KCTD21: variants seen among roughly 807,000 people sequenced by gnomAD.
KCTD21 encodes the protein BTB/POZ domain-containing protein KCTD21.
A neutral mutation model predicts 13.2 loss-of-function variants in KCTD21; 9 were observed. The ratio of observed to expected loss-of-function variants is 0.68; its 90% CI spans 0.41 to 1.19. KCTD21 has a LOEUF of 1.19. Ranked by LOEUF, KCTD21 falls within the 50% of genes most tolerant of loss-of-function variation. The pLI is 0.01. For synonymous variants in KCTD21, 142 were observed against 137.4 expected (o/e 1.03, Z -0.23); for missense variants, 303 against 336.5 (o/e 0.90, Z 0.78).
chr11:78,174,685 G>T, intron 1 of KCTD21, 102 bp from the exon 2 acceptor site: 1 of 774,624 alleles, frequency 1.3e-6, no homozygotes, highest in Non-Finnish European at 2.1e-6. Context: ...CCTTGGGATC[G>T]AAATGAATTA....
In KCTD21 at chr11:78,187,439, A is replaced by G. The variant is rs549346794; in HGVS notation, c.-30+1134T>C. The G allele has an allele frequency of 1.5e-4, 143 of 985,416 alleles. 1 individual carries two copies. In the South Asian group the frequency reaches 5.6e-3, roughly 39 times the overall value. 61.0% of individuals were successfully genotyped at this position (985,416 alleles called of 1,614,324 possible). A position where few individuals can be genotyped will look rare whatever the true frequency, so the allele number is the denominator to read the frequency against. On this transcript the variant is annotated intron_variant, in intron 1 of 1. Transcript: ENST00000340067. ...CAGAATGAGCTGCGCAAAAGGCAGG[A>G]GGAGAGAAAGGTGGGCTGGAAGAAG... is the stretch of plus-strand genomic sequence containing the variant.
intron 1 of KCTD21, among the ~76,000 whole-genome samples, chr11:78,184,606 G>A (rs1370822635): frequency 6.6e-6 from 1 of 152,064 alleles, no homozygotes; most frequent in African/African-American, 2.4e-5. Flanking sequence ...CAAAATGTTG[G>A]GATTACAGAC....
chr11:78,179,442 C>T (rs1186523507), intron 1 of KCTD21, among the ~76,000 whole-genome samples: 1 of 152,002 alleles, frequency 6.6e-6, no homozygotes, highest in Non-Finnish European at 1.5e-5. Flanking sequence ...CTGCTGTGAA[C>T]TCTTCTGAGC....
chr11:78,188,528 G>C, intron 1 of KCTD21, 45 bp downstream of exon 1: 2 of 985,352 alleles, frequency 2.0e-6, no homozygotes, highest in Non-Finnish European at 2.4e-6. Flanking sequence ...ACGTACCCTC[G>C]CCGGTAGTCC....
Position 78,173,425 on chromosome 11 carries a change from G to A in KCTD21, c.*347C>T, listed in dbSNP as rs530165159. 22 of 199,816 alleles carry A rather than the reference G, an allele frequency of 1.1e-4. No homozygotes were observed. The highest frequency in any genetic ancestry group is 1.8e-4 in the Non-Finnish European group (17 of 96,504). The allele number at this position is 199,816 out of a possible 1,614,324, so 12.4% of individuals were successfully genotyped here. ...GGCCTTCTTACAGATGGATAAATGC[G>A]GCACTGGCTAGCGGTACAGAGAGAT... On this transcript the variant is annotated 3_prime_UTR_variant, in exon 2 of 2. Transcript: ENST00000340067.
chr11:78,186,875 G>A, intron 1 of KCTD21: 1 of 985,456 alleles, frequency 1.0e-6, no homozygotes, highest in Non-Finnish European at 1.2e-6. Context: ...GTAGATGGAT[G>A]CCTGGCTCCC....
intron 1 of KCTD21, among the ~76,000 whole-genome samples, chr11:78,180,966 C>T (rs982488478): frequency 1.3e-5 from 2 of 152,166 alleles, no homozygotes; most frequent in Non-Finnish European, 2.9e-5. Context: ...CTTCTCCTTG[C>T]TGCTGCCATG....
chr11:78,173,965 T>G lies in KCTD21; in HGVS notation c.590A>C (p.Glu197Ala). ...GAGGTTCTGCTTGGTGTACTCCTCC[T>G]CTGGCAGGCCCTCCACATTGGCCAC... is the stretch of plus-strand genomic sequence containing the variant. ...DWVANVEGLP[E>A]EEYTKQNLKR... is the part of the protein sequence containing the mutation. The change falls in exon 2 of 2, where the codon GAG becomes GCG. Residue 197 changes from glutamate (E) to alanine (A), a missense_variant. Physicochemically the swap from Glu to Ala is moderately radical, Grantham distance 107. Transcript: ENST00000340067. 6.2e-7 allele frequency: 1 copy of G among 1,614,070 alleles called. No homozygotes were observed.
chr11:78,186,265 G>A (rs1021971237), intron 1 of KCTD21, among the ~76,000 whole-genome samples: 2 of 149,252 alleles, frequency 1.3e-5, no homozygotes, highest in Non-Finnish European at 3.0e-5. Context: ...AGTCCCAGCT[G>A]CACAGGCTGA....
At chr11:78,182,935 C>A (rs1472278498) in intron 1 of KCTD21, among the ~76,000 whole-genome samples, 2 of 152,166 alleles carry the variant, frequency 1.3e-5, no homozygotes, top group African/African-American at 4.8e-5. Flanking sequence ...AAATGACTTA[C>A]CATGCAATCC....
chr11:78,183,451 G>A (rs890885841), intron 1 of KCTD21, among the ~76,000 whole-genome samples: 6 of 151,024 alleles, frequency 4.0e-5, no homozygotes, highest in African/African-American at 7.3e-5. Flanking sequence ...CAGGAGAATC[G>A]CTTGAATCTG....
At position 78,171,640 on chromosome 11, in the gene KCTD21, T is replaced by G. The variant is rs1216724498; in HGVS notation, c.*2132A>C. 2 of 152,202 alleles carry G rather than the reference T, an allele frequency of 1.3e-5. No individual in the cohort carries two copies. The highest frequency in any genetic ancestry group is 2.9e-5 in the Non-Finnish European group (2 of 68,036). 9.4% of individuals were successfully genotyped at this position (152,202 alleles called of 1,614,324 possible). A position where few individuals can be genotyped will look rare whatever the true frequency, so the allele number is the denominator to read the frequency against. ...CCTTGGCCTGGGACAGCTGTCTTTT[T>G]TTGGGATGGAGTCTCTCTGCAATGG... On this transcript the variant is annotated 3_prime_UTR_variant, in exon 2 of 2. Transcript: ENST00000340067.
Position 78,173,680 on chromosome 11 carries a change from C to T in KCTD21, c.*92G>A. 9.8e-7 allele frequency: 1 copy of T among 1,016,576 alleles called. No homozygotes were observed. Among genetic ancestry groups the T allele is most frequent in the South Asian group, 1.5e-5 (1 of 66,530 alleles). The allele number at this position is 1,016,576 out of a possible 1,614,324, so 63.0% of individuals were successfully genotyped here. Reference sequence around the variant, plus strand: ...CACAATTAATACAGATTAGTATAGTCCCCTGCCTCGCACCACTGGCGAGAT... The same window carrying T: ...CACAATTAATACAGATTAGTATAGTTCCCTGCCTCGCACCACTGGCGAGAT... On this transcript the variant is annotated 3_prime_UTR_variant, in exon 2 of 2. Transcript: ENST00000340067.
In KCTD21 at chr11:78,173,829, G is replaced by A. The variant is rs982628862; in HGVS notation, c.726C>T (p.His242=). Residue 242 remains histidine, a synonymous_variant, in exon 2 of 2, where the codon CAC becomes CAT. Coordinates refer to ENST00000340067, the MANE Select transcript of KCTD21 (RefSeq NM_001029859.3). ...TGTTCATAAAATCCAGAGCATGTGG[G>A]TGAGAAGAATCGATGCAGAAGCCAT... ...LSDGFCIDSS[H]PHALDFMNNK... The A allele has an allele frequency of 7.4e-6, 12 of 1,614,066 alleles. No individual in the cohort carries two copies. In the South Asian group the frequency reaches 1.3e-4, roughly 18 times the overall value.
Position 78,174,061 on chromosome 11 carries a change from T to C in KCTD21, c.494A>G (p.Tyr165Cys). ...GGAGGAGAGATTGCCATTGGAGCAG[T>C]AGAAGAGCTTAGAGCCAAGGAGCTT... Reference protein sequence around the residue: ...FLKLLGSKLFYCSNGNLSSIT... With the variant: ...FLKLLGSKLFCCSNGNLSSIT... The change falls in exon 2 of 2, where the codon TAC becomes TGC. Residue 165 changes from tyrosine (Y) to cysteine (C), a missense_variant. By Grantham distance (194) the Tyr-to-Cys change is radical. Coordinates refer to ENST00000340067, the MANE Select transcript of KCTD21 (RefSeq NM_001029859.3). 1 of 1,614,076 alleles carries C rather than the reference T, an allele frequency of 6.2e-7. No homozygotes were observed. Among genetic ancestry groups the C allele is most frequent in the South Asian group, 1.1e-5 (1 of 91,064 alleles).
At chr11:78,188,169 AG>A in intron 1 of KCTD21, 2 of 985,140 alleles carry the variant, frequency 2.0e-6, no homozygotes, top group Non-Finnish European at 2.4e-6. Context: ...AATCTCACCC[AG>A]GCTGGCCTCA....
rs1046720212 is a variant in KCTD21, at chr11:78,171,554, T to C, written c.*2218A>G. On this transcript the variant is annotated 3_prime_UTR_variant, in exon 2 of 2. Transcript: ENST00000340067. Reference sequence around the variant, plus strand: ...ATTTCTTCCTCAAATTGTTTTGTTATGACCACAGCTTCTGCTACTTGGTCT... The same window carrying C: ...ATTTCTTCCTCAAATTGTTTTGTTACGACCACAGCTTCTGCTACTTGGTCT... The C allele has an allele frequency of 6.6e-6, 1 of 152,612 alleles. No individual in the cohort carries two copies. Among genetic ancestry groups the C allele is most frequent in the African/African-American group, 2.4e-5 (1 of 41,472 alleles). The allele number at this position is 152,612 out of a possible 1,614,324, so 9.5% of individuals were successfully genotyped here. A position where few individuals can be genotyped will look rare whatever the true frequency, so the allele number is the denominator to read the frequency against.
chr11:78,188,340 T>A (rs1036398563), intron 1 of KCTD21: 3 of 981,384 alleles, frequency 3.1e-6, no homozygotes, highest in African/African-American at 1.8e-5. Flanking sequence ...ACTATCACCA[T>A]CCGCCCTTGC....
At chr11:78,187,501 A>G (rs747460497) in intron 1 of KCTD21, 6 of 985,268 alleles carry the variant, frequency 6.1e-6, no homozygotes, top group Non-Finnish European at 7.2e-6. Context: ...GTATTCTTTC[A>G]TCTGGCGTAG....
Sources: allele counts gnomAD v4.1 joint callset (sites outside exome capture counted in the v4.1 genomes callset), GRCh38; gene constraint gnomAD v4.1.1; transcripts MANE v1.5; gene names NCBI Gene and HGNC (gene_info 2026-07-23, HGNC 2026-07-21).